The following CEP112 variants were observed in gnomAD, a reference collection of about 807,000 sequenced individuals.
CEP112 encodes the protein centrosomal protein 112.
CEP112 carries 127 observed loss-of-function variants against 153.0 expected under a neutral mutation model. The observed-to-expected ratio is 0.83, with a 90% CI of 0.72 to 0.96. The LOEUF (loss-of-function observed/expected upper bound fraction) is 0.96, where lower values mean the gene tolerates loss of function less well. Among genes scored for constraint, CEP112 ranks in the 40% least tolerant of loss-of-function variants. The pLI, the probability that CEP112 is intolerant of heterozygous loss-of-function variation, is 0.00. For missense variants in CEP112, 1,089 were observed against 1,101.2 expected (o/e 0.99, Z 0.16); for synonymous variants, 358 against 374.4 (o/e 0.96, Z 0.51).
chr17:66,165,007 T>C (rs534274190), intron 4 of CEP112, among the ~76,000 whole-genome samples: 4 of 150,996 alleles, frequency 2.6e-5, no homozygotes, highest in Non-Finnish European at 1.5e-5. Context: ...ATGTTGATCA[T>C]GGGTGATCAT....
chr17:65,655,880 A>G (rs754802725), intron 24 of CEP112, among the ~76,000 whole-genome samples: 2 of 152,222 alleles, frequency 1.3e-5, no homozygotes, highest in African/African-American at 2.4e-5. Context: ...AAAAGCTAAA[A>G]CCATATTACA....
chr17:66,146,762 T>C (rs2070936409), intron 4 of CEP112, among the ~76,000 whole-genome samples: 1 of 152,160 alleles, frequency 6.6e-6, no homozygotes, highest in Admixed American at 6.5e-5. Flanking sequence ...AGTTAAACGG[T>C]ATCTGTCTTT....
intron 20 of CEP112, among the ~76,000 whole-genome samples, chr17:65,869,575 CTTTCT>C (rs1323012806): frequency 5.5e-5 from 6 of 109,186 alleles, no homozygotes; most frequent in African/African-American, 1.8e-4. Context: ...GCAAGATAAA[CTTTCT>C]TTTTTTTTTT....
chr17:65,647,251 G>A (rs1203555447), intron 24 of CEP112, among the ~76,000 whole-genome samples: 5 of 145,806 alleles, frequency 3.4e-5, no homozygotes, highest in East Asian at 2.1e-4. Context: ...TCGGCTCAGC[G>A]CAACCTCCGC....
intron 17 of CEP112, among the ~76,000 whole-genome samples, chr17:65,969,501 T>C (rs566199068): frequency 1.3e-5 from 2 of 152,188 alleles, no homozygotes; most frequent in African/African-American, 4.8e-5. Flanking sequence ...ACAGGTATAC[T>C]GTATTTGCAT....
chr17:65,795,171 A>T (rs2054837805), intron 21 of CEP112, among the ~76,000 whole-genome samples: 1 of 152,194 alleles, frequency 6.6e-6, no homozygotes, highest in African/African-American at 2.4e-5. Context: ...TAATAGTGGG[A>T]GGTAGGATTT....
chr17:65,760,930 A>G (rs976687776), intron 21 of CEP112, among the ~76,000 whole-genome samples: 2 of 152,182 alleles, frequency 1.3e-5, no homozygotes, highest in South Asian at 2.1e-4. Context: ...CGATTGCCTT[A>G]ATATATATAT....
At chr17:65,912,028 T>G (rs1237393890) in intron 19 of CEP112, among the ~76,000 whole-genome samples, 2 of 152,154 alleles carry the variant, frequency 1.3e-5, no homozygotes, top group East Asian at 3.9e-4. Flanking sequence ...TGGTCTCTCT[T>G]AAAACAAACG....
intron 16 of CEP112, among the ~76,000 whole-genome samples, chr17:66,017,510 G>C (rs554225405): frequency 9.9e-5 from 15 of 152,220 alleles, no homozygotes; most frequent in African/African-American, 3.4e-4. Context: ...TAGTCAATAA[G>C]TATTGTTTTA....
At chr17:65,925,607 A>G (rs2060895629) in intron 19 of CEP112, among the ~76,000 whole-genome samples, 1 of 152,032 alleles carries the variant, frequency 6.6e-6, no homozygotes, top group Non-Finnish European at 1.5e-5. Context: ...ACGTTTTTAC[A>G]TTTTCTAAGT....
chr17:65,957,545 T>C (rs2062043428), intron 18 of CEP112, among the ~76,000 whole-genome samples: 1 of 152,184 alleles, frequency 6.6e-6, no homozygotes. Flanking sequence ...AGTGATATAT[T>C]TTCATCATCC....
intron 10 of CEP112, among the ~76,000 whole-genome samples, chr17:66,065,883 C>A (rs537372897): frequency 6.6e-6 from 1 of 152,270 alleles, no homozygotes; most frequent in African/African-American, 2.4e-5. Context: ...CCTGCCTCGG[C>A]CTCCCAAAGT....
chr17:65,995,994 C>A (rs2145317679), intron 17 of CEP112, among the ~76,000 whole-genome samples: 1 of 152,138 alleles, frequency 6.6e-6, no homozygotes, highest in East Asian at 1.9e-4. Flanking sequence ...GTCCATTAAA[C>A]CTCTTTTTCT....
intron 17 of CEP112, among the ~76,000 whole-genome samples, chr17:66,002,528 C>A (rs955246244): frequency 2.6e-5 from 4 of 152,132 alleles, no homozygotes; most frequent in Non-Finnish European, 5.9e-5. Context: ...TAGAGACCAG[C>A]ATCTCTACAG....
At chr17:65,754,881 C>T (rs1302829234) in intron 21 of CEP112, among the ~76,000 whole-genome samples, 1 of 152,058 alleles carries the variant, frequency 6.6e-6, no homozygotes, top group Non-Finnish European at 1.5e-5. Context: ...GGGAGCTGAA[C>T]GGTGAGAACA....
chr17:66,004,675 CTA>C (rs1366802321), intron 17 of CEP112, among the ~76,000 whole-genome samples: 1 of 152,144 alleles, frequency 6.6e-6, no homozygotes, highest in African/African-American at 2.4e-5. Flanking sequence ...TTAAAACGTT[CTA>C]TTCAGGAACT....
intron 16 of CEP112, among the ~76,000 whole-genome samples, chr17:66,022,711 G>GGAGA (rs60618756): frequency 7.9e-6 from 1 of 127,070 alleles, no homozygotes; most frequent in Non-Finnish European, 1.6e-5. Context: ...TCCGCCTCAA[G>GGAGA]AAAAAAAAAA....
intron 24 of CEP112, among the ~76,000 whole-genome samples, chr17:65,677,835 C>A (rs932813506): frequency 1.3e-5 from 2 of 152,112 alleles, no homozygotes. Flanking sequence ...ATAGCTTGAA[C>A]CCGGGAGGCA....
chr17:66,134,600 G>A (rs2070353591), intron 4 of CEP112, among the ~76,000 whole-genome samples: 1 of 152,208 alleles, frequency 6.6e-6, no homozygotes, highest in African/African-American at 2.4e-5. Flanking sequence ...CACTTTGGGA[G>A]GCCAAGGTCA....
Sources: allele counts gnomAD v4.1 joint callset (sites outside exome capture counted in the v4.1 genomes callset), GRCh38; gene constraint gnomAD v4.1.1; transcripts MANE v1.5; gene names NCBI Gene and HGNC (gene_info 2026-07-23, HGNC 2026-07-21).